The following CAP2 variants were observed in gnomAD, a reference collection of about 807,000 sequenced individuals.
The protein encoded by CAP2 is adenylyl cyclase-associated protein 2.
In CAP2, 24 loss-of-function variants were observed where a neutral mutation model predicts 57.7. That is an observed-to-expected ratio of 0.42 (90% CI 0.30 to 0.58). The LOEUF is 0.58. CAP2 is among the 20% of genes least tolerant of loss of function. CAP2 has a pLI of 0.22. For missense variants in CAP2, 501 were observed against 590.3 expected, an observed-to-expected ratio of 0.85 and a Z score of 1.57; for synonymous variants, 194 against 207.2, an observed-to-expected ratio of 0.94 and a Z score of 0.55.
chr6:17,531,754 G>T (rs985928137), intron 7 of CAP2: 3 of 589,478 alleles, frequency 5.1e-6, no homozygotes, highest in Non-Finnish European at 9.0e-6. Flanking sequence ...TTCCCCCCAT[G>T]CTTAAAGCCC....
In CAP2 at chr6:17,519,265, C is replaced by A. The variant is rs181844320; in HGVS notation, c.636+5311C>A. Among the ~76,000 whole-genome samples the A allele has an allele frequency of 2.7e-3, 413 of 152,190 alleles. 2 individuals are homozygous for A. Among genetic ancestry groups the A allele is most frequent in the Non-Finnish European group, 4.9e-3 (335 of 68,004 alleles). ...CCGCAGCTGTGTCAGGCAACTGCTG[C>A]CCTGTTCAGTTGTCAGGGTGAAATG... On this transcript the variant is annotated intron_variant, in intron 7 of 12. Coordinates refer to ENST00000229922, the MANE Select transcript of CAP2 (RefSeq NM_006366.3).
chr6:17,437,067 C>G (rs1047144990), intron 3 of CAP2, among the ~76,000 whole-genome samples: 1 of 152,102 alleles, frequency 6.6e-6, no homozygotes, highest in Non-Finnish European at 1.5e-5. Context: ...GGAAAATAAG[C>G]TCAGGGCTCC....
In CAP2 at chr6:17,492,861, C is replaced by T. The variant is rs926288988; in HGVS notation, c.301-14308C>T. Reference sequence around the variant, plus strand: ...GCTTGTAAACCCCAAAGGAAAGACCCATTTTCCCCACTTATGTATCGCAAG... The same window carrying T: ...GCTTGTAAACCCCAAAGGAAAGACCTATTTTCCCCACTTATGTATCGCAAG... On this transcript the variant is annotated intron_variant, in intron 4 of 12. Coordinates refer to ENST00000229922, the MANE Select transcript of CAP2 (RefSeq NM_006366.3). Among the ~76,000 whole-genome samples the T allele has an allele frequency of 7.9e-5, 12 of 152,118 alleles. 1 individual carries two copies. The highest frequency in any genetic ancestry group is 7.2e-4 in the Admixed American group (11 of 15,264).
At chr6:17,399,381 C>T (rs1758752806) in intron 1 of CAP2, among the ~76,000 whole-genome samples, 1 of 152,106 alleles carries the variant, frequency 6.6e-6, no homozygotes, top group Non-Finnish European at 1.5e-5. Flanking sequence ...CTTTTATATC[C>T]AGGGGAATTC....
At chr6:17,492,143 G>T (rs748811138) in intron 4 of CAP2, among the ~76,000 whole-genome samples, 1 of 152,208 alleles carries the variant, frequency 6.6e-6, no homozygotes. Flanking sequence ...ATGCTGGAAA[G>T]GTACATCTTA....
chr6:17,438,315 G>A (rs1581518744), intron 3 of CAP2, among the ~76,000 whole-genome samples: 1 of 150,344 alleles, frequency 6.7e-6, no homozygotes, highest in Non-Finnish European at 1.5e-5. Context: ...GCAGTGGGCC[G>A]AGATCGTGCC....
rs1415024940 is a variant in CAP2 at position 17,507,683 on chromosome 6, G to A, written c.487G>A (p.Ala163Thr). The A allele has an allele frequency of 1.9e-6, 3 of 1,611,470 alleles. No individual in the cohort carries two copies. The highest frequency in any genetic ancestry group is 2.5e-6 in the Non-Finnish European group (3 of 1,177,892). ...GPYVKEMNDA[A>T]TFYTNRVLKD... Reference sequence around the variant, plus strand: ...TTATGTCAAGGAGATGAATGACGCTGCCACCTTTTACACTAACAGGGTCTT... The same window carrying A: ...TTATGTCAAGGAGATGAATGACGCTACCACCTTTTACACTAACAGGGTCTT... The change falls in exon 6 of 13, where the codon GCC (alanine) becomes ACC (threonine). Residue 163 changes from alanine (A) to threonine (T), a missense_variant. By Grantham distance (58) the Ala-to-Thr change is moderately conservative. Transcript: ENST00000229922.
At chr6:17,424,986 T>C (rs545168660) in intron 2 of CAP2, among the ~76,000 whole-genome samples, 25 of 152,222 alleles carry the variant, frequency 1.6e-4, no homozygotes, top group Non-Finnish European at 2.8e-4. Context: ...GAAGTTGTTA[T>C]ATACTGTGCT....
At position 17,479,607 on chromosome 6, in the gene CAP2, A is replaced by ATTT. The variant is rs11336517; in HGVS notation, c.300+16554_300+16556dup. On this transcript the variant is annotated intron_variant, in intron 4 of 12. Transcript: ENST00000229922. ...AGAAGAGAAAAAGATCTGCTTTTTA[A>ATTT]TTTTTTTTTTTTTTTTTTTTTTGAG... Among the ~76,000 whole-genome samples the ATTT allele has an allele frequency of 9.7e-3, 1,227 of 126,400 alleles. 27 individuals are homozygous for ATTT. The highest frequency in any genetic ancestry group is 0.039 in the African/African-American group (1,179 of 30,424). The allele number at this position is 126,400 out of a possible 152,430, so 82.9% of individuals were successfully genotyped here.
intron 1 of CAP2, among the ~76,000 whole-genome samples, chr6:17,418,365 G>A (rs1759341379): frequency 6.6e-6 from 1 of 152,206 alleles, no homozygotes. Context: ...GGCTGTGGCA[G>A]GATTTCAGTC....
intron 11 of CAP2, among the ~76,000 whole-genome samples, chr6:17,547,705 G>GT (rs1763080422): frequency 6.6e-6 from 1 of 152,008 alleles, no homozygotes; most frequent in Non-Finnish European, 1.5e-5. Flanking sequence ...ACCAGGCGTG[G>GT]TGGCGGGTGC....
rs1394078598 is a variant in CAP2, at chr6:17,472,319, G to T, written c.300+9246G>T. ...ACTGCACTCCAGCCTGGGCGACAGA[G>T]CGAGACTCCGTCTCAAAAAAAAAAA... On this transcript the variant is annotated intron_variant, in intron 4 of 12. Transcript: ENST00000229922. Among the ~76,000 whole-genome samples the T allele has an allele frequency of 8.6e-5, 2 of 23,250 alleles. 1 individual carries two copies. The highest frequency in any genetic ancestry group is 1.4e-4 in the Non-Finnish European group (2 of 14,030). 15.3% of individuals were successfully genotyped at this position (23,250 alleles called of 152,430 possible).
chr6:17,405,815 G>T lies in CAP2; in HGVS notation c.-2+12069G>T, dbSNP rs6459541. Reference sequence around the variant, plus strand: ...GAAGGCAGTGACACAATCTTGGCTCGCTACAGCCTCGACCTCCTGGGCTCA... The same window carrying T: ...GAAGGCAGTGACACAATCTTGGCTCTCTACAGCCTCGACCTCCTGGGCTCA... On this transcript the variant is annotated intron_variant, in intron 1 of 12. Coordinates refer to ENST00000229922, the MANE Select transcript of CAP2 (RefSeq NM_006366.3). 2.0e-5 allele frequency among the ~76,000 whole-genome samples: 3 copies of T among 151,996 alleles called. No homozygotes were observed. The East Asian group carries it at 5.8e-4, about 29-fold the overall frequency.
At chr6:17,479,226 C>G (rs1414450995) in intron 4 of CAP2, among the ~76,000 whole-genome samples, 1 of 152,176 alleles carries the variant, frequency 6.6e-6, no homozygotes, top group Non-Finnish European at 1.5e-5. Flanking sequence ...TGTGTACACA[C>G]ACGTCTGTAC....
At chr6:17,514,024 A>G in intron 7 of CAP2, 70 bp downstream of exon 7, 1 of 948,462 alleles carries the variant, frequency 1.1e-6, no homozygotes, top group South Asian at 1.3e-5. Context: ...GTGGCCCAGT[A>G]ATCTCACACC....
intron 12 of CAP2, among the ~76,000 whole-genome samples, chr6:17,554,476 C>A (rs1385682821): frequency 6.6e-6 from 1 of 152,164 alleles, no homozygotes; most frequent in Admixed American, 6.5e-5. Context: ...CAGGCTGGTC[C>A]CGAACTTCTG....
At chr6:17,480,154 C>A (rs1761252621) in intron 4 of CAP2, among the ~76,000 whole-genome samples, 1 of 152,046 alleles carries the variant, frequency 6.6e-6, no homozygotes, top group South Asian at 2.1e-4. Flanking sequence ...CTGCCATAAT[C>A]CGTTGCCTAT....
intron 3 of CAP2, among the ~76,000 whole-genome samples, chr6:17,430,765 C>T (rs1477837336): frequency 6.6e-6 from 1 of 152,152 alleles, no homozygotes; most frequent in Non-Finnish European, 1.5e-5. Context: ...TCTTGAACTC[C>T]TGACCTCGTG....
intron 4 of CAP2, among the ~76,000 whole-genome samples, chr6:17,491,343 C>T (rs1418346735): frequency 6.6e-6 from 1 of 152,172 alleles, no homozygotes; most frequent in African/African-American, 2.4e-5. Flanking sequence ...TCGTGGGCAC[C>T]ATGTTCTCAG....
Sources: gnomAD v4.1 joint callset for allele counts (sites outside exome capture counted in the v4.1 genomes callset) on GRCh38, gnomAD v4.1.1 for gene constraint, MANE v1.5 for transcripts, NCBI Gene and HGNC (gene_info 2026-07-23, HGNC 2026-07-21) for gene names.